PCYT1B: variants seen among roughly 807,000 people sequenced by gnomAD.
PCYT1B encodes choline-phosphate cytidylyltransferase B.
A neutral mutation model predicts 26.4 loss-of-function variants in PCYT1B; 10 were observed. The ratio of observed to expected loss-of-function variants is 0.38; its 90% CI spans 0.23 to 0.64. The LOEUF (loss-of-function observed/expected upper bound fraction) is 0.64, where lower values mean the gene tolerates loss of function less well. PCYT1B is among the 30% of genes least tolerant of loss of function. The pLI, the probability that PCYT1B is intolerant of heterozygous loss-of-function variation, is 0.56. For missense variants in PCYT1B, 161 were observed against 292.7 expected (o/e 0.55, Z 3.28); for synonymous variants, 131 against 108.4 (o/e 1.21, Z -1.29).
At chrX:24,587,149 T>G (rs1924396515) in intron 5 of PCYT1B, 92 bp downstream of exon 5, 1 of 612,235 alleles carries the variant, frequency 1.6e-6, no homozygotes, top group Non-Finnish European at 2.7e-6. Flanking sequence ...CCTGTTTGTA[T>G]ACACTGCAGA....
intron 1 of PCYT1B, among the ~76,000 whole-genome samples, chrX:24,622,799 AG>A (rs1234203420): frequency 1.8e-5 from 2 of 112,049 alleles, no homozygotes; most frequent in Non-Finnish European, 3.8e-5. Flanking sequence ...CTGTGAGCTG[AG>A]GAAACCCTCA....
intron 2 of PCYT1B, among the ~76,000 whole-genome samples, chrX:24,616,228 CTTTTTTTT>C (rs59287140): frequency 4.6e-5 from 2 of 43,816 alleles, no homozygotes; most frequent in African/African-American, 2.6e-4. Flanking sequence ...ACCACCTGGA[CTTTTTTTT>C]TTTTTTTTTT....
At chrX:24,666,238 A>C (rs1304085035) in intron 1 of PCYT1B, among the ~76,000 whole-genome samples, 1 of 111,032 alleles carries the variant, frequency 9.0e-6, no homozygotes, top group Non-Finnish European at 1.9e-5. Context: ...CAGAATAAAC[A>C]GTGATTTAAA....
intron 1 of PCYT1B, among the ~76,000 whole-genome samples, chrX:24,632,844 G>A (rs1011015797): frequency 9.0e-6 from 1 of 111,138 alleles, no homozygotes; most frequent in African/African-American, 3.3e-5. Context: ...TAGATAGAAG[G>A]AATAAATTCT....
intron 1 of PCYT1B, among the ~76,000 whole-genome samples, chrX:24,634,513 T>A (rs1190539796): frequency 9.0e-6 from 1 of 111,508 alleles, no homozygotes; most frequent in Non-Finnish European, 1.9e-5. Flanking sequence ...TTTGAGAGGC[T>A]GAGGCAGGCG....
rs1345394432 is a variant in PCYT1B at position 24,559,897 on chromosome X, G to A, written c.*2396C>T. The A allele has an allele frequency of 9.0e-6, 1 of 111,692 alleles. No homozygotes were observed. Among genetic ancestry groups the A allele is most frequent in the Non-Finnish European group, 1.9e-5 (1 of 53,179 alleles). The allele number at this position is 111,692 out of a possible 1,213,427, so 9.2% of individuals were successfully genotyped here. A position where few individuals can be genotyped will look rare whatever the true frequency, so the allele number is the denominator to read the frequency against. On this transcript the variant is annotated 3_prime_UTR_variant, in exon 8 of 8. Transcript: ENST00000379144. ...AGTAGATTTGCAGCCTCAAGAGGGT[G>A]GAACGGGGGGACTCACTGCAGGTTA...
intron 2 of PCYT1B, among the ~76,000 whole-genome samples, chrX:24,617,740 G>A (rs1192854034): frequency 9.0e-6 from 1 of 110,880 alleles, no homozygotes; most frequent in East Asian, 2.8e-4. Flanking sequence ...GAGCCACCGC[G>A]CCCGGCCGAG....
chrX:24,644,935 C>T (rs1926577352), intron 1 of PCYT1B, among the ~76,000 whole-genome samples: 1 of 111,297 alleles, frequency 9.0e-6, no homozygotes. Context: ...ATGGTGCTGC[C>T]CACCTGTAAT....
chrX:24,647,538 C>T (rs1028770579), upstream of PCYT1B, among the ~76,000 whole-genome samples: 9 of 111,871 alleles, frequency 8.0e-5, no homozygotes, highest in African/African-American at 2.0e-4. Context: ...TCTCTGGGCA[C>T]GGGACCCGGG....
chrX:24,620,026 A>G (rs1925651779), intron 1 of PCYT1B, among the ~76,000 whole-genome samples: 2 of 112,619 alleles, frequency 1.8e-5, no homozygotes, highest in South Asian at 7.3e-4. Context: ...CATCTTTGTG[A>G]TTTTTAAAGC....
At chrX:24,654,072 C>T (rs1926841115) in intron 1 of PCYT1B, among the ~76,000 whole-genome samples, 1 of 97,025 alleles carries the variant, frequency 1.0e-5, no homozygotes, top group Non-Finnish European at 2.1e-5. Context: ...TCTACTATTC[C>T]TTCCACGTTT....
intron 5 of PCYT1B, among the ~76,000 whole-genome samples, chrX:24,586,141 C>G (rs1297215349): frequency 1.8e-5 from 2 of 112,493 alleles, no homozygotes; most frequent in Non-Finnish European, 3.7e-5. Flanking sequence ...TTATGTCTGT[C>G]TCTGCTCTCT....
chrX:24,562,758 C>T (rs768144790), intron 7 of PCYT1B, among the ~76,000 whole-genome samples: 6 of 104,601 alleles, frequency 5.7e-5, no homozygotes, highest in Non-Finnish European at 1.2e-4. Flanking sequence ...GACAGAGTCT[C>T]GCTCTGTCAC....
intron 1 of PCYT1B, among the ~76,000 whole-genome samples, chrX:24,665,604 C>A (rs768136468): frequency 1.8e-5 from 2 of 111,275 alleles, no homozygotes; most frequent in Non-Finnish European, 3.8e-5. Flanking sequence ...TTTTATTTTT[C>A]AATTAACTGA....
chrX:24,589,376 A>G (rs1019656166), intron 4 of PCYT1B, among the ~76,000 whole-genome samples: 28 of 111,872 alleles, frequency 2.5e-4, no homozygotes, highest in Non-Finnish European at 3.8e-4. Flanking sequence ...TGGTAGGGAG[A>G]TACAAAGCAC....
intron 5 of PCYT1B, among the ~76,000 whole-genome samples, chrX:24,586,691 G>C (rs1266167261): frequency 1.8e-5 from 2 of 112,153 alleles, no homozygotes; most frequent in Non-Finnish European, 3.8e-5. Flanking sequence ...ATGCATGGTA[G>C]ATAGTAAAAT....
intron 1 of PCYT1B, among the ~76,000 whole-genome samples, chrX:24,640,059 GA>G (rs1926416170): frequency 8.9e-6 from 1 of 111,860 alleles, no homozygotes; most frequent in Non-Finnish European, 1.9e-5. Context: ...TGAAAGGAAC[GA>G]AAGAAGGAAG....
chrX:24,564,214 G>A (rs1923538250), intron 7 of PCYT1B, among the ~76,000 whole-genome samples: 1 of 110,284 alleles, frequency 9.1e-6, no homozygotes, highest in South Asian at 3.9e-4. Flanking sequence ...AGATGGTGAT[G>A]GAGCCTGGCC....
chrX:24,655,948 T>G (rs1229136755), intron 1 of PCYT1B, among the ~76,000 whole-genome samples: 1 of 93,742 alleles, frequency 1.1e-5, no homozygotes, highest in African/African-American at 4.0e-5. Context: ...CAAAACCCCG[T>G]CTCTACTAAA....
Sources: gnomAD v4.1 joint callset for allele counts (sites outside exome capture counted in the v4.1 genomes callset) on GRCh38, gnomAD v4.1.1 for gene constraint, MANE v1.5 for transcripts, NCBI Gene and HGNC (gene_info 2026-07-23, HGNC 2026-07-21) for gene names.